The following RNASEH2B variants were observed in gnomAD, a reference collection of about 807,000 sequenced individuals.
RNASEH2B encodes the protein Aicardi-Goutieres syndrome 2 protein.
RNASEH2B carries 36 observed loss-of-function variants against 45.0 expected under a neutral mutation model. The observed-to-expected ratio is 0.80, with a 90% CI of 0.61 to 1.06. The LOEUF is 1.06. Ranked by LOEUF, RNASEH2B falls within the 50% of genes least tolerant of loss-of-function variation. The probability of loss-of-function intolerance (pLI) is 0.00; values close to 1 mark genes in which losing one functional copy is unlikely to be tolerated. For synonymous variants in RNASEH2B, 119 were observed against 125.7 expected (o/e 0.95, Z 0.35); for missense variants, 361 against 360.3 (o/e 1.00, Z -0.02).
chr13:50,927,435 GA>G lies in RNASEH2B; in HGVS notation c.98del (p.Asn33MetfsTer3). On this transcript the variant is annotated frameshift_variant, in exon 2 of 11. Transcript: ENST00000336617. LOFTEE classifies it high-confidence loss of function. The stretch of plus-strand genomic sequence containing the variant: ...ATTTAAAAGATGCTTCAAAGAAGAT[GA>G]AAAATGGGCTAATGTTTGTAAAACT... ...EYLKDASKKM[K>X]NGLMFVKLVN... 6 of 1,601,136 alleles carry G rather than the reference GA, an allele frequency of 3.7e-6. No homozygotes were observed. Among genetic ancestry groups the G allele is most frequent in the Non-Finnish European group, 5.1e-6 (6 of 1,168,468 alleles).
chr13:50,938,800 C>T (rs1951793827), intron 5 of RNASEH2B: 1 of 152,224 alleles, frequency 6.6e-6, no homozygotes, highest in African/African-American at 2.4e-5. Flanking sequence ...GGTACCAGTA[C>T]ATGGCTTAGG....
At chr13:50,928,428 A>G (rs1352433255) in intron 2 of RNASEH2B, 1 of 152,232 alleles carries the variant, frequency 6.6e-6, no homozygotes, top group Non-Finnish European at 1.5e-5. Flanking sequence ...TATATATCAG[A>G]CTAAGTTGAC....
In RNASEH2B at chr13:50,930,686, GTCT is replaced by G; in HGVS notation, c.252_254del (p.Leu85del). 1 of 1,610,482 alleles carries G rather than the reference GTCT, an allele frequency of 6.2e-7. No homozygotes were observed. The highest frequency in any genetic ancestry group is 8.5e-7 in the Non-Finnish European group (1 of 1,176,758). ...TCATCCTTTTTGTAATCTGCAGGAGGTCTTCTCCATTTTGCCACACCTGTGGAT... is the reference window on the plus strand; with the variant it reads ...TCATCCTTTTTGTAATCTGCAGGAGGTCTCCATTTTGCCACACCTGTGGAT... On this transcript the variant is annotated inframe_deletion, in exon 4 of 11. Coordinates refer to ENST00000336617, the MANE Select transcript of RNASEH2B (RefSeq NM_024570.4).
intron 5 of RNASEH2B, chr13:50,941,003 CAG>C (rs1458277789): frequency 2.6e-5 from 4 of 152,112 alleles, no homozygotes; most frequent in African/African-American, 9.7e-5. Context: ...TCATGTCACT[CAG>C]AGCCAGTCTT....
At position 50,930,292 on chromosome 13, in the gene RNASEH2B, C is replaced by T. The variant is rs573175456; in HGVS notation, c.245-391C>T. On this transcript the variant is annotated intron_variant, in intron 3 of 10. Transcript: ENST00000336617. ...AAGCACAGGAAATTACATTTTACTG[C>T]AGCTTTATAGATAGACTGACGATAC... The T allele has an allele frequency of 3.3e-4, 100 of 305,482 alleles. 4 individuals are homozygous for T. The highest frequency in any genetic ancestry group is 3.0e-3 in the South Asian group (100 of 33,850). The allele number at this position is 305,482 out of a possible 1,614,324, so 18.9% of individuals were successfully genotyped here. A position where few individuals can be genotyped will look rare whatever the true frequency, so the allele number is the denominator to read the frequency against.
chr13:50,938,395 A>G (rs1951785927), intron 5 of RNASEH2B: 1 of 152,196 alleles, frequency 6.6e-6, no homozygotes. Flanking sequence ...TCAGTGTAAT[A>G]CTTAGCCAGC....
chr13:50,956,723 T>C lies in RNASEH2B; in HGVS notation c.*249T>C, dbSNP rs886050293. The C allele has an allele frequency of 2.5e-5, 30 of 1,218,518 alleles. No individual in the cohort carries two copies. Among genetic ancestry groups the C allele is most frequent in the Non-Finnish European group, 3.1e-5 (30 of 964,982 alleles). 75.5% of individuals were successfully genotyped at this position (1,218,518 alleles called of 1,614,324 possible). A position where few individuals can be genotyped will look rare whatever the true frequency, so the allele number is the denominator to read the frequency against. Reference sequence around the variant, plus strand: ...TAATCACTTGAAGAGAATTAACATATAGCATCATGATTTTCTCAATAAACT... The same window carrying C: ...TAATCACTTGAAGAGAATTAACATACAGCATCATGATTTTCTCAATAAACT... On this transcript the variant is annotated 3_prime_UTR_variant, in exon 11 of 11. Transcript: ENST00000336617.
intron 8 of RNASEH2B, chr13:50,948,761 T>C (rs1304631195): frequency 6.6e-6 from 1 of 152,174 alleles, no homozygotes; most frequent in Non-Finnish European, 1.5e-5. Flanking sequence ...CTCTGAGTCA[T>C]GAAGATAAAA....
intron 9 of RNASEH2B, chr13:50,953,533 G>A (rs965804598): frequency 8.1e-6 from 2 of 248,336 alleles, no homozygotes; most frequent in Non-Finnish European, 1.6e-5. Context: ...TGGACACCTG[G>A]CCCCCTTCAA....
chr13:50,932,420 C>T (rs948166688), intron 4 of RNASEH2B, among the ~76,000 whole-genome samples: 3 of 152,166 alleles, frequency 2.0e-5, no homozygotes, highest in African/African-American at 2.4e-5. Flanking sequence ...ACTACTTGCT[C>T]AAGGATATTC....
At chr13:50,966,135 G>C (rs992295777) in intron 9 of RNASEH2B, among the ~76,000 whole-genome samples, 1 of 152,212 alleles carries the variant, frequency 6.6e-6, no homozygotes, top group East Asian at 1.9e-4. Context: ...ATAATATTAG[G>C]AATAAATCCA....
intron 5 of RNASEH2B, chr13:50,935,485 GCAGTGACCGCA>G (rs1490499812): frequency 5.5e-6 from 1 of 182,536 alleles, no homozygotes; most frequent in African/African-American, 2.4e-5. Context: ...GACAAGCTGA[GCAGTGACCGCA>G]CAGTGTAACG....
intron 4 of RNASEH2B, among the ~76,000 whole-genome samples, chr13:50,932,045 C>T (rs1211576806): frequency 1.3e-5 from 2 of 151,998 alleles, no homozygotes; most frequent in Non-Finnish European, 2.9e-5. Flanking sequence ...GAGAAGCTGT[C>T]ATAGTGGCAG....
At chr13:50,939,971 G>A (rs972097018) in intron 5 of RNASEH2B, among the ~76,000 whole-genome samples, 5 of 152,156 alleles carry the variant, frequency 3.3e-5, no homozygotes, top group African/African-American at 1.2e-4. Flanking sequence ...AAAGGAGATT[G>A]TGAGTTGTGG....
chr13:50,940,318 G>C (rs1307150967), intron 5 of RNASEH2B, among the ~76,000 whole-genome samples: 2 of 152,150 alleles, frequency 1.3e-5, no homozygotes, highest in African/African-American at 4.8e-5. Context: ...TTACATGACT[G>C]CATACATTTT....
At chr13:50,948,616 CTT>C (rs1951936711) in intron 8 of RNASEH2B, 1 of 152,286 alleles carries the variant, frequency 6.6e-6, no homozygotes, top group Non-Finnish European at 1.5e-5. Flanking sequence ...TACATTTAGA[CTT>C]TAAGTTGAAA....
intron 1 of RNASEH2B, among the ~76,000 whole-genome samples, chr13:50,925,090 T>A (rs1951574780): frequency 1.3e-5 from 2 of 152,172 alleles, no homozygotes. Context: ...TTTTCTTCAA[T>A]TTTTTTCTCT....
chr13:50,922,880 A>G (rs1347476795), intron 1 of RNASEH2B, among the ~76,000 whole-genome samples: 1 of 152,236 alleles, frequency 6.6e-6, no homozygotes, highest in Non-Finnish European at 1.5e-5. Context: ...CAAAGATTTT[A>G]TTCAGCTACT....
At chr13:50,966,469 T>C (rs1431651696) in intron 9 of RNASEH2B, among the ~76,000 whole-genome samples, 1 of 152,226 alleles carries the variant, frequency 6.6e-6, no homozygotes, top group Non-Finnish European at 1.5e-5. Context: ...GCAAAACCAC[T>C]TGGGTACATA....
Sources: allele counts gnomAD v4.1 joint callset (sites outside exome capture counted in the v4.1 genomes callset), GRCh38; gene constraint gnomAD v4.1.1; transcripts MANE v1.5; gene names NCBI Gene and HGNC (gene_info 2026-07-23, HGNC 2026-07-21).